XIRP2: variants seen among roughly 807,000 people sequenced by gnomAD.
XIRP2 encodes the protein xin actin-binding repeat-containing protein 2.
Under a neutral mutation model 277.0 loss-of-function variants are expected in XIRP2, and 236 were observed. The observed-to-expected ratio is 0.85, with a 90% confidence interval of 0.77 to 0.95. XIRP2 has a LOEUF of 0.95. Ranked by LOEUF, XIRP2 falls within the 40% of genes least tolerant of loss-of-function variation. XIRP2 has a pLI of 0.00. For synonymous variants in XIRP2, 1,490 were observed against 1,416.5 expected, an observed-to-expected ratio of 1.05 and a Z score of -1.17; for missense variants, 4,640 against 4,157.5, an observed-to-expected ratio of 1.12 and a Z score of -3.19.
chr2:167,096,260 T>G (rs988566852), intron 2 of XIRP2, among the ~76,000 whole-genome samples: 2 of 152,154 alleles, frequency 1.3e-5, no homozygotes, highest in African/African-American at 4.8e-5. Context: ...TTTGACTTCT[T>G]CTTGGTTTAA....
At chr2:167,102,309 A>G (rs1249820031) in intron 2 of XIRP2, among the ~76,000 whole-genome samples, 1 of 152,182 alleles carries the variant, frequency 6.6e-6, no homozygotes, top group African/African-American at 2.4e-5. Flanking sequence ...CTGCACAAGA[A>G]GTCCTTTGGG....
At chr2:167,041,049 C>T (rs550874600) in intron 2 of XIRP2, among the ~76,000 whole-genome samples, 1 of 152,252 alleles carries the variant, frequency 6.6e-6, no homozygotes, top group African/African-American at 2.4e-5. Flanking sequence ...CTCTCAGCCC[C>T]TCCACTGCAG....
intron 2 of XIRP2, among the ~76,000 whole-genome samples, chr2:166,939,507 C>T (rs1269023237): frequency 2.6e-5 from 4 of 151,522 alleles, no homozygotes; most frequent in African/African-American, 7.3e-5. Flanking sequence ...AGTGAAACCC[C>T]GTCTCTACTA....
At chr2:166,976,045 T>C (rs1049639329) in intron 2 of XIRP2, among the ~76,000 whole-genome samples, 1 of 151,828 alleles carries the variant, frequency 6.6e-6, no homozygotes, top group African/African-American at 2.4e-5. Context: ...AGACAAAGCC[T>C]TGACTGTCCC....
At chr2:167,202,579 T>TCCATCACATAGTGG in intron 3 of XIRP2, among the ~76,000 whole-genome samples, 1 of 152,306 alleles carries the variant, frequency 6.6e-6, no homozygotes, top group Admixed American at 6.5e-5. Context: ...CAGAGATGGC[T>TCCATCACATAGTGG]CCATCACATA....
chr2:167,136,425 C>T (rs1691553988), intron 3 of XIRP2, among the ~76,000 whole-genome samples: 2 of 152,070 alleles, frequency 1.3e-5, no homozygotes, highest in African/African-American at 4.8e-5. Context: ...AAAGAATAAA[C>T]TAGGAGTAAC....
intron 2 of XIRP2, among the ~76,000 whole-genome samples, chr2:167,088,689 C>T (rs1022941755): frequency 2.0e-5 from 3 of 152,158 alleles, no homozygotes; most frequent in East Asian, 1.9e-4. Flanking sequence ...GGCATACTGG[C>T]CTTCCTCAAT....
Position 167,257,944 on chromosome 2 carries a change from A to T in XIRP2, c.*127A>T, listed in dbSNP as rs1161137926. Reference sequence around the variant, plus strand: ...TCAAATCCAAAGGAAATTATGATGAAGGTTTTGGACATAAGCAGCATAAAG... The same window carrying T: ...TCAAATCCAAAGGAAATTATGATGATGGTTTTGGACATAAGCAGCATAAAG... On this transcript the variant is annotated 3_prime_UTR_variant, in exon 11 of 11. Coordinates refer to ENST00000409195, the MANE Select transcript of XIRP2 (RefSeq NM_152381.6). 6.2e-7 allele frequency: 1 copy of T among 1,612,930 alleles called. No homozygotes were observed. Among genetic ancestry groups the T allele is most frequent in the East Asian group, 2.2e-5 (1 of 44,820 alleles).
At chr2:167,131,317 C>T (rs1691370084) in intron 2 of XIRP2, among the ~76,000 whole-genome samples, 1 of 152,176 alleles carries the variant, frequency 6.6e-6, no homozygotes, top group Non-Finnish European at 1.5e-5. Context: ...GTCAGCACCT[C>T]TATCTCATTA....
intron 2 of XIRP2, among the ~76,000 whole-genome samples, chr2:166,942,536 C>T (rs951647162): frequency 2.0e-5 from 3 of 152,122 alleles, no homozygotes; most frequent in Non-Finnish European, 4.4e-5. Context: ...GCCACCAAGT[C>T]CAAGACTGTA....
Position 167,034,053 on chromosome 2 carries a change from G to T in XIRP2, c.409-101856G>T, listed in dbSNP as rs1688439726. On this transcript the variant is annotated intron_variant, in intron 2 of 10. Transcript: ENST00000409195. Reference sequence around the variant, plus strand: ...GAAAGAATACAAGAGGAAACTGTCAGAAATAATAACTACAACAATGTTTCA... The same window carrying T: ...GAAAGAATACAAGAGGAAACTGTCATAAATAATAACTACAACAATGTTTCA... Among the ~76,000 whole-genome samples the T allele has an allele frequency of 2.0e-5, 3 of 152,140 alleles. No individual in the cohort carries two copies. In the South Asian group the frequency reaches 6.2e-4, roughly 32 times the overall value.
In XIRP2 at chr2:167,247,851, A is replaced by G. The variant is rs1695328166; in HGVS notation, c.6459A>G (p.Leu2153=). Residue 2153 remains leucine (L), a synonymous_variant, in exon 9 of 11, where the codon TTA becomes TTG. Transcript: ENST00000409195. ...AAAAGACCAAAAATATTAAAATATTAACTGATACACAAAGCTCCAAGCCCA... is the reference window on the plus strand; with the variant it reads ...AAAAGACCAAAAATATTAAAATATTGACTGATACACAAAGCTCCAAGCCCA... ...SPKKTKNIKI[L]TDTQSSKPSP... is the part of the protein sequence containing the mutation. 10 of 1,613,460 alleles carry G rather than the reference A, an allele frequency of 6.2e-6. No homozygotes were observed. The highest frequency in any genetic ancestry group is 6.8e-6 in the Non-Finnish European group (8 of 1,179,724).
intron 2 of XIRP2, among the ~76,000 whole-genome samples, chr2:166,940,831 C>A (rs1156397747): frequency 1.3e-5 from 2 of 152,250 alleles, no homozygotes; most frequent in East Asian, 3.9e-4. Flanking sequence ...GGGTACCTGG[C>A]CATGTGGGGT....
At chr2:167,164,412 G>T (rs963710989) in intron 3 of XIRP2, among the ~76,000 whole-genome samples, 1 of 133,012 alleles carries the variant, frequency 7.5e-6, no homozygotes, top group African/African-American at 3.0e-5. Context: ...CGCCACTGCA[G>T]TCCAGCCTGG....
chr2:167,212,913 GCACA>G (rs58755599), intron 4 of XIRP2, among the ~76,000 whole-genome samples: 6 of 36,414 alleles, frequency 1.6e-4, no homozygotes, highest in Admixed American at 1.1e-3. Context: ...CCACCCCTCT[GCACA>G]CACACACACA....
intron 2 of XIRP2, among the ~76,000 whole-genome samples, chr2:166,949,435 T>C (rs908461055): frequency 6.6e-6 from 1 of 152,100 alleles, no homozygotes. Flanking sequence ...CAGTCAAAGT[T>C]GATAATTCGA....
At chr2:167,158,343 C>T (rs1387885222) in intron 3 of XIRP2, among the ~76,000 whole-genome samples, 1 of 152,184 alleles carries the variant, frequency 6.6e-6, no homozygotes, top group East Asian at 1.9e-4. Flanking sequence ...ATAATATTTA[C>T]ATTTTGCAAA....
chr2:166,889,296 A>G (rs1684037600), intron 1 of XIRP2, among the ~76,000 whole-genome samples: 1 of 152,152 alleles, frequency 6.6e-6, no homozygotes. Flanking sequence ...CTCAGAGATG[A>G]CAGCTGTCCC....
intron 4 of XIRP2, among the ~76,000 whole-genome samples, chr2:167,212,914 C>T (rs1285694820): frequency 3.0e-5 from 3 of 100,894 alleles, no homozygotes; most frequent in Non-Finnish European, 5.7e-5. Context: ...CACCCCTCTG[C>T]ACACACACAC....
Sources: allele counts gnomAD v4.1 joint callset (sites outside exome capture counted in the v4.1 genomes callset), GRCh38; gene constraint gnomAD v4.1.1; transcripts MANE v1.5; gene names NCBI Gene and HGNC (gene_info 2026-07-23, HGNC 2026-07-21).